GPM6B: variants seen among roughly 807,000 people sequenced by gnomAD.
GPM6B encodes glycoprotein M6B.
Under a neutral mutation model 27.2 loss-of-function variants are expected in GPM6B, and 4 were observed. The observed-to-expected ratio is 0.15, with a 90% CI of 0.07 to 0.34. The LOEUF (loss-of-function observed/expected upper bound fraction) is 0.34, where lower values mean the gene tolerates loss of function less well. Ranked by LOEUF, GPM6B falls within the 10% of genes least tolerant of loss-of-function variation. GPM6B has a pLI of 1.00. For missense variants in GPM6B, 183 were observed against 261.9 expected (o/e 0.70, Z 2.08); for synonymous variants, 124 against 103.1 (o/e 1.20, Z -1.23).
At chrX:13,814,742 A>G in intron 1 of GPM6B, among the ~76,000 whole-genome samples, 1 of 111,529 alleles carries the variant, frequency 9.0e-6, no homozygotes, top group Non-Finnish European at 1.9e-5. Context: ...ATCTAAATGC[A>G]GATTAGATAA....
chrX:13,812,044 CTTTCTTTTTTT>C (rs2049142197), intron 1 of GPM6B, among the ~76,000 whole-genome samples: 1 of 82,653 alleles, frequency 1.2e-5, no homozygotes, highest in African/African-American at 4.7e-5. Flanking sequence ...CTTTTCTTTT[CTTTCTTTTTTT>C]TTTTTTTTTT....
Sources: allele counts gnomAD v4.1 joint callset (sites outside exome capture counted in the v4.1 genomes callset), GRCh38; gene constraint gnomAD v4.1.1; transcripts MANE v1.5; gene names NCBI Gene and HGNC (gene_info 2026-07-23, HGNC 2026-07-21).